Variants in PUDP observed in about 807,000 individuals in gnomAD.
The protein encoded by PUDP is pseudouridine-5'-phosphatase.
PUDP carries 8 observed loss-of-function variants against 9.4 expected under a neutral mutation model. That is an observed-to-expected ratio of 0.85 (90% CI 0.50 to 1.53). PUDP has a LOEUF of 1.53. Among genes scored for constraint, PUDP ranks in the 40% most tolerant of loss-of-function variants. The pLI, the probability that PUDP is intolerant of heterozygous loss-of-function variation, is 0.00. For synonymous variants in PUDP, 99 were observed against 80.7 expected (o/e 1.23, Z -1.22); for missense variants, 188 against 189.7 (o/e 0.99, Z 0.05).
intron 3 of PUDP, among the ~76,000 whole-genome samples, chrX:6,819,994 T>C (rs772965313): frequency 1.1e-4 from 11 of 103,921 alleles, no homozygotes; most frequent in African/African-American, 3.7e-4. Flanking sequence ...TTTTTCGCCA[T>C]AAATTTTTCT....
intron 3 of PUDP, among the ~76,000 whole-genome samples, chrX:6,821,300 T>C (rs1926338524): frequency 9.0e-6 from 1 of 111,398 alleles, no homozygotes; most frequent in Admixed American, 9.5e-5. Flanking sequence ...CCACAGCCTG[T>C]GCGTGGGGCT....
At chrX:6,779,404 G>A (rs1001584087) in intron 3 of PUDP, among the ~76,000 whole-genome samples, 17 of 111,411 alleles carry the variant, frequency 1.5e-4, no homozygotes, top group African/African-American at 5.2e-4. Context: ...AAAGACAGAG[G>A]GTCTTTTCTA....
chrX:6,976,933 G>A (rs1183997125), intron 3 of PUDP, among the ~76,000 whole-genome samples: 2 of 111,969 alleles, frequency 1.8e-5, no homozygotes, highest in Admixed American at 1.9e-4. Flanking sequence ...CCACTCAAGA[G>A]GCATTGCAAA....
Position 7,098,737 on chromosome X carries a change from G to C in PUDP, c.280+6883C>G, listed in dbSNP as rs749960174. ...GGCACCCATCCACGACTCTCCAGGG[G>C]GCCAGGGTTCTAGTTTGCTTTTTCT... On this transcript the variant is annotated intron_variant, in intron 2 of 3. Coordinates refer to ENST00000381077, the MANE Select transcript of PUDP (RefSeq NM_012080.5). Among the ~76,000 whole-genome samples, 7 of 111,381 alleles carry C rather than the reference G, an allele frequency of 6.3e-5. No individual in the cohort carries two copies. In the South Asian group the frequency reaches 2.7e-3, roughly 42 times the overall value.
At chrX:6,778,373 G>C in intron 3 of PUDP, among the ~76,000 whole-genome samples, 1 of 112,605 alleles carries the variant, frequency 8.9e-6, no homozygotes, top group East Asian at 2.8e-4. Context: ...TGAAAAACCA[G>C]GATGACGAGG....
chrX:6,843,998 C>T (rs1926707764), intron 3 of PUDP, among the ~76,000 whole-genome samples: 1 of 112,612 alleles, frequency 8.9e-6, no homozygotes, highest in Non-Finnish European at 1.9e-5. Context: ...ATCAGTAGGG[C>T]TAAATTCCTT....
At chrX:7,048,225 CAATA>C (rs1930012208), downstream of PUDP, among the ~76,000 whole-genome samples, 1 of 112,162 alleles carries the variant, frequency 8.9e-6, no homozygotes, top group African/African-American at 3.2e-5. Context: ...TAGGGGCACA[CAATA>C]TATAAGCAAA....
At chrX:6,898,147 A>T (rs760164410) in intron 3 of PUDP, among the ~76,000 whole-genome samples, 1 of 112,129 alleles carries the variant, frequency 8.9e-6, no homozygotes, top group East Asian at 2.8e-4. Context: ...GGGCTGAGGA[A>T]GGGAGGCTAA....
At chrX:7,068,685 G>T (rs968815579) in intron 3 of PUDP, among the ~76,000 whole-genome samples, 3 of 112,392 alleles carry the variant, frequency 2.7e-5, no homozygotes, top group Non-Finnish European at 3.8e-5. Flanking sequence ...TTGGCTGAGG[G>T]ACTCCAGGGT....
chrX:6,891,652 T>C (rs1366691058), intron 3 of PUDP, among the ~76,000 whole-genome samples: 6 of 111,972 alleles, frequency 5.4e-5, no homozygotes, highest in Non-Finnish European at 1.1e-4. Flanking sequence ...GCACAAGCCA[T>C]TGCCCTCTGC....
chrX:6,777,308 G>C (rs1186584422), intron 3 of PUDP, among the ~76,000 whole-genome samples: 1 of 111,947 alleles, frequency 8.9e-6, no homozygotes, highest in African/African-American at 3.2e-5. Flanking sequence ...AACTTGTGCA[G>C]AAAGCCCTTT....
At chrX:6,720,567 G>A (rs1924661159) in intron 1 of PUDP, among the ~76,000 whole-genome samples, 1 of 106,017 alleles carries the variant, frequency 9.4e-6, no homozygotes, top group Non-Finnish European at 1.9e-5. Flanking sequence ...TAAGTTCTGG[G>A]GATGCAATCT....
chrX:6,986,872 T>G (rs1929109989), intron 1 of PUDP, among the ~76,000 whole-genome samples: 1 of 112,046 alleles, frequency 8.9e-6, no homozygotes, highest in African/African-American at 3.3e-5. Flanking sequence ...CACGTTGCGT[T>G]TTCTTCTGCA....
chrX:6,739,443 T>C (rs1402503554), intron 3 of PUDP, among the ~76,000 whole-genome samples: 2 of 111,638 alleles, frequency 1.8e-5, no homozygotes, highest in Non-Finnish European at 1.9e-5. Context: ...CGGAGTAACA[T>C]TGCTCCTCTC....
intron 1 of PUDP, among the ~76,000 whole-genome samples, chrX:7,035,933 T>C (rs1250144218): frequency 6.3e-5 from 7 of 111,683 alleles, no homozygotes; most frequent in Non-Finnish European, 1.3e-4. Context: ...GAATGAATTC[T>C]TCCTCTATTA....
Position 6,918,199 on chromosome X carries a change from T to C in PUDP, c.*247+58934A>G, listed in dbSNP as rs971656835. Among the ~76,000 whole-genome samples, 7 of 112,432 alleles carry C rather than the reference T, an allele frequency of 6.2e-5. No homozygotes were observed. In the South Asian group the frequency reaches 1.5e-3, roughly 24 times the overall value. On this transcript the variant is annotated intron_variant and NMD_transcript_variant, in intron 3 of 3. Transcript: ENST00000655425. ...ACGCTTCCACACACAGCTCTTTGGATATAGGCAGTCAACAAATGCATATTC... is the reference window on the plus strand; with the variant it reads ...ACGCTTCCACACACAGCTCTTTGGACATAGGCAGTCAACAAATGCATATTC...
intron 3 of PUDP, among the ~76,000 whole-genome samples, chrX:7,072,174 C>A (rs1338868056): frequency 9.0e-6 from 1 of 111,687 alleles, no homozygotes; most frequent in African/African-American, 3.3e-5. Context: ...GCCCAGTCTA[C>A]CTATTTATGT....
intron 2 of PUDP, among the ~76,000 whole-genome samples, chrX:7,093,826 C>G (rs1264831046): frequency 1.8e-5 from 2 of 111,948 alleles, no homozygotes. Context: ...AGAAACTGGG[C>G]CAGGTGTGGT....
At chrX:6,958,708 CA>C (rs1388312350) in intron 3 of PUDP, among the ~76,000 whole-genome samples, 1 of 84,973 alleles carries the variant, frequency 1.2e-5, no homozygotes, top group Non-Finnish European at 2.1e-5. Flanking sequence ...CTCCAGCCAA[CA>C]TTGCACTCTT....
Sources: allele counts gnomAD v4.1 joint callset (sites outside exome capture counted in the v4.1 genomes callset), GRCh38; gene constraint gnomAD v4.1.1; transcripts MANE v1.5; gene names NCBI Gene and HGNC (gene_info 2026-07-23, HGNC 2026-07-21).